Variants in SELENOS observed in about 807,000 individuals in gnomAD.
SELENOS encodes VCP interacting membrane selenoprotein.
A neutral mutation model predicts 30.2 loss-of-function variants in SELENOS; 37 were observed. That is an observed-to-expected ratio of 1.23 (90% CI 0.94 to 1.61). The LOEUF is 1.61. Among genes scored for constraint, SELENOS ranks in the 40% most tolerant of loss-of-function variants. The pLI is 0.00. For synonymous variants in SELENOS, 119 were observed against 91.6 expected, an observed-to-expected ratio of 1.30 and a Z score of -1.71; for missense variants, 289 against 231.8, an observed-to-expected ratio of 1.25 and a Z score of -1.60.
chr15:101,277,070 G>C (rs1416794178), intron 1 of SELENOS: 1 of 644,804 alleles, frequency 1.6e-6, no homozygotes, highest in Non-Finnish European at 2.8e-6. Flanking sequence ...GCCAACGGCC[G>C]AGTGACCCCA....
downstream of SELENOS, chr15:101,271,681 T>G (rs2039269360): frequency 6.6e-6 from 1 of 152,254 alleles, no homozygotes; most frequent in African/African-American, 2.4e-5. Flanking sequence ...AATTTATGTA[T>G]GAGACCATTC....
At chr15:101,277,232 T>C in intron 1 of SELENOS, 110 bp downstream of exon 1, 1 of 1,502,606 alleles carries the variant, frequency 6.7e-7, no homozygotes, top group Non-Finnish European at 8.9e-7. Flanking sequence ...GCCCGACCGT[T>C]CCCAGGCCTC....
In SELENOS at chr15:101,277,433, C is replaced by T; in HGVS notation, c.-16G>A. The T allele has an allele frequency of 1.4e-6, 2 of 1,461,878 alleles. No individual in the cohort carries two copies. Among genetic ancestry groups the T allele is most frequent in the Non-Finnish European group, 1.8e-6 (2 of 1,114,402 alleles). The allele number at this position is 1,461,878 out of a possible 1,614,324, so 90.6% of individuals were successfully genotyped here. On this transcript the variant is annotated 5_prime_UTR_variant, in exon 1 of 6. Transcript: ENST00000526049. ...GGCGTTCCATGACCGCCGCCGCCGC[C>T]GCCGCCCAGCCCTGCCGCCGCGCCT... is the stretch of plus-strand genomic sequence containing the variant.
In SELENOS at chr15:101,277,413, T is replaced by C. The variant is rs965073954; in HGVS notation, c.5A>G (p.Glu2Gly). 2 of 1,475,840 alleles carry C rather than the reference T, an allele frequency of 1.4e-6. No homozygotes were observed. The highest frequency in any genetic ancestry group is 1.5e-5 in the African/African-American group (1 of 67,912). The allele number at this position is 1,475,840 out of a possible 1,614,324, so 91.4% of individuals were successfully genotyped here. The stretch of plus-strand genomic sequence containing the variant: ...CGCGGACAGAGACTCCTCTTGGCGT[T>C]CCATGACCGCCGCCGCCGCCGCCGC... M[E>G]RQEESLSARP... Residue 2 changes from glutamate to glycine, a missense_variant, in exon 1 of 6, where the codon GAA becomes GGA. Transcript: ENST00000526049.
In SELENOS at chr15:101,277,473, C is replaced by A; in HGVS notation, c.-56G>T. The stretch of plus-strand genomic sequence containing the variant: ...CCGCCGCGCCTCCAGCCGGGCGCTT[C>A]CGGTGCGCTCCTACGCACACGTGGC... On this transcript the variant is annotated 5_prime_UTR_variant, in exon 1 of 6. Transcript: ENST00000526049. The A allele has an allele frequency of 7.2e-7, 1 of 1,390,714 alleles. No homozygotes were observed. Among genetic ancestry groups the A allele is most frequent in the South Asian group, 1.6e-5 (1 of 62,256 alleles). The allele number at this position is 1,390,714 out of a possible 1,614,324, so 86.1% of individuals were successfully genotyped here.
Position 101,272,628 on chromosome 15 carries a change from C to T in SELENOS, c.*143G>A. On this transcript the variant is annotated 3_prime_UTR_variant, in exon 6 of 6. Coordinates refer to ENST00000526049, the MANE Select transcript of SELENOS (RefSeq NM_018445.6). ...CATCTATACCTTTTGCTGACTGGAG[C>T]CCTGACATATGCAGGTGTAGTTAGG... is the stretch of plus-strand genomic sequence containing the variant. 3 of 777,396 alleles carry T rather than the reference C, an allele frequency of 3.9e-6. No individual in the cohort carries two copies. The highest frequency in any genetic ancestry group is 1.7e-5 in the African/African-American group (1 of 57,848). The allele number at this position is 777,396 out of a possible 1,614,324, so 48.2% of individuals were successfully genotyped here.
Position 101,274,509 on chromosome 15 carries a change from C to T in SELENOS, c.409-14G>A. 6.2e-7 allele frequency: 1 copy of T among 1,607,760 alleles called. No homozygotes were observed. Among genetic ancestry groups the T allele is most frequent in the Non-Finnish European group, 8.5e-7 (1 of 1,176,708 alleles). On this transcript the variant is annotated splice_polypyrimidine_tract_variant and intron_variant, in intron 4 of 5. Coordinates refer to ENST00000526049, the MANE Select transcript of SELENOS (RefSeq NM_018445.6). ...ACTGTCTTCCTCCTGTTTGAACACACACAGTAGTGTAAGAAGCAATTAAAA... is the reference window on the plus strand; with the variant it reads ...ACTGTCTTCCTCCTGTTTGAACACATACAGTAGTGTAAGAAGCAATTAAAA...
Position 101,277,349 on chromosome 15 carries a change from G to A in SELENOS, c.69C>T (p.His23=). 3.3e-6 allele frequency: 5 copies of A among 1,515,420 alleles called. No homozygotes were observed. The highest frequency in any genetic ancestry group is 8.8e-7 in the Non-Finnish European group (1 of 1,139,338). The allele number at this position is 1,515,420 out of a possible 1,614,324, so 93.9% of individuals were successfully genotyped here. The change falls in exon 1 of 6, where the codon CAC becomes CAT. Residue 23 remains histidine, a synonymous_variant. Coordinates refer to ENST00000526049, the MANE Select transcript of SELENOS (RefSeq NM_018445.6). Reference sequence around the variant, plus strand: ...TGCCCCGCAACGACTCACCCGTGGTGTGCAGGAAGCGCAGCCCCTCGGTCT... The same window carrying A: ...TGCCCCGCAACGACTCACCCGTGGTATGCAGGAAGCGCAGCCCCTCGGTCT... ...ALETEGLRFL[H]TTVGSLLATY...
In SELENOS at chr15:101,274,422, C is replaced by G; in HGVS notation, c.482G>C (p.Gly161Ala). The G allele has an allele frequency of 6.2e-7, 1 of 1,606,730 alleles. No individual in the cohort carries two copies. The highest frequency in any genetic ancestry group is 1.1e-5 in the South Asian group (1 of 89,338). ...CATTTGACATCAGTGGTGCTTACCTCCTCCCCGCAAAGGCTTTCTGTCCGA... is the reference window on the plus strand; with the variant it reads ...CATTTGACATCAGTGGTGCTTACCTGCTCCCCGCAAAGGCTTTCTGTCCGA... ...RKSDRKPLRG[G>A]GYNPLSGEGG... Residue 161 changes from glycine (G) to alanine (A), a missense_variant and splice_region_variant, in exon 5 of 6, where the codon GGA (glycine) becomes GCA (alanine). Transcript: ENST00000526049.
At chr15:101,274,352 T>A in intron 5 of SELENOS, 68 bp downstream of exon 5, 1 of 1,490,622 alleles carries the variant, frequency 6.7e-7, no homozygotes, top group South Asian at 1.2e-5. Flanking sequence ...AACAATCTTG[T>A]TCCTAAAAGG....
rs2039311560 is a variant in SELENOS at position 101,275,271 on chromosome 15, T to C, written c.302A>G (p.Lys101Arg). Reference sequence around the variant, plus strand: ...AGTTCATACTTGTTTCAGTTTTTCCTTATGCTTTTCAACTTGCGCATTTAG... The same window carrying C: ...AGTTCATACTTGTTTCAGTTTTTCCCTATGCTTTTCAACTTGCGCATTTAG... ...EELNAQVEKH[K>R]EKLKQLEEEK... The change falls in exon 3 of 6, where the codon AAG becomes AGG. Residue 101 changes from lysine to arginine, a missense_variant. Lys to Arg is a conservative substitution (Grantham distance 26, BLOSUM62 2). Transcript: ENST00000526049. 2 of 1,561,404 alleles carry C rather than the reference T, an allele frequency of 1.3e-6. No homozygotes were observed. Among genetic ancestry groups the C allele is most frequent in the Non-Finnish European group, 1.7e-6 (2 of 1,152,826 alleles).
chr15:101,271,356 G>A (rs1013821076), downstream of SELENOS: 8 of 152,206 alleles, frequency 5.3e-5, no homozygotes, highest in African/African-American at 1.9e-4. Flanking sequence ...ACACTGGAAG[G>A]GGAGTGAGGG....
intron 4 of SELENOS, 26 bp from the exon 5 acceptor site, chr15:101,274,521 A>G (rs1385310430): frequency 6.2e-7 from 1 of 1,607,110 alleles, no homozygotes; most frequent in East Asian, 2.2e-5. Flanking sequence ...CAGTAGTGTA[A>G]GAAGCAATTA....
chr15:101,277,428 G>A lies in SELENOS; in HGVS notation c.-11C>T, dbSNP rs933192045. The A allele has an allele frequency of 4.1e-6, 6 of 1,462,956 alleles. No homozygotes were observed. The African/African-American group carries it at 5.9e-5, about 14-fold the overall frequency. 90.6% of individuals were successfully genotyped at this position (1,462,956 alleles called of 1,614,324 possible). On this transcript the variant is annotated 5_prime_UTR_variant, in exon 1 of 6. Transcript: ENST00000526049. ...CTCTTGGCGTTCCATGACCGCCGCC[G>A]CCGCCGCCGCCCAGCCCTGCCGCCG...
chr15:101,272,732 T>A lies in SELENOS; in HGVS notation c.*39A>T. The A allele has an allele frequency of 1.9e-6, 3 of 1,565,088 alleles. No individual in the cohort carries two copies. Among genetic ancestry groups the A allele is most frequent in the Non-Finnish European group, 2.6e-6 (3 of 1,151,986 alleles). On this transcript the variant is annotated 3_prime_UTR_variant, in exon 6 of 6. Transcript: ENST00000526049. ...AGGCAATTGAATCGAGGGTTAAGGGTTCATCTTGCTAATGTCAAAAGTGAC... is the reference window on the plus strand; with the variant it reads ...AGGCAATTGAATCGAGGGTTAAGGGATCATCTTGCTAATGTCAAAAGTGAC...
rs371072982 is a variant in SELENOS, at chr15:101,272,826, C to G, written c.515G>C (p.Gly172Ala). 2 of 1,609,882 alleles carry G rather than the reference C, an allele frequency of 1.2e-6. No homozygotes were observed. Among genetic ancestry groups the G allele is most frequent in the African/African-American group, 2.7e-5 (2 of 74,848 alleles). ...GYNPLSGEGGGACSWRPGRRG... is the reference protein window; with the variant it reads ...GYNPLSGEGGAACSWRPGRRG... ...GCGTCCAGGTCTCCAGGAGCAAGCT[C>G]CGCCTCCTTCACCAGACAACGGGTT... The change falls in exon 6 of 6, where the codon GGA becomes GCA. Residue 172 changes from glycine (G) to alanine (A), a missense_variant. By Grantham distance (60) the Gly-to-Ala change is moderately conservative (BLOSUM62 0). Coordinates refer to ENST00000526049, the MANE Select transcript of SELENOS (RefSeq NM_018445.6).
chr15:101,276,654 T>C lies in SELENOS; in HGVS notation c.98A>G (p.Tyr33Cys), dbSNP rs776224919. 8.1e-6 allele frequency: 13 copies of C among 1,610,210 alleles called. No homozygotes were observed. The highest frequency in any genetic ancestry group is 3.4e-5 in the Admixed American group (2 of 58,720). ...GCAGCTGAAGACGATGTACCAGCCA[T>C]AGGTGGCCAGCAGGGAGCCCACTGA... ...HTTVGSLLATYGWYIVFSCIL... is the reference protein window; with the variant it reads ...HTTVGSLLATCGWYIVFSCIL... Residue 33 changes from tyrosine to cysteine, a missense_variant, in exon 2 of 6, where the codon TAT (tyrosine) becomes TGT (cysteine). Tyr to Cys is a radical substitution (Grantham distance 194). Coordinates refer to ENST00000526049, the MANE Select transcript of SELENOS (RefSeq NM_018445.6).
At position 101,277,392 on chromosome 15, in the gene SELENOS, G is replaced by C; in HGVS notation, c.26C>G (p.Ser9Cys). 1.3e-6 allele frequency: 2 copies of C among 1,503,442 alleles called. No homozygotes were observed. Among genetic ancestry groups the C allele is most frequent in the East Asian group, 2.8e-5 (1 of 36,226 alleles). 93.1% of individuals were successfully genotyped at this position (1,503,442 alleles called of 1,614,324 possible). ...CTCGGTCTCCAGGGCCGGCCGCGCGGACAGAGACTCCTCTTGGCGTTCCAT... is the reference window on the plus strand; with the variant it reads ...CTCGGTCTCCAGGGCCGGCCGCGCGCACAGAGACTCCTCTTGGCGTTCCAT... MERQEESL[S>C]ARPALETEGL... Residue 9 changes from serine (S) to cysteine (C), a missense_variant, in exon 1 of 6, where the codon TCC becomes TGC. Transcript: ENST00000526049.
intron 1 of SELENOS, 25 bp downstream of exon 1, chr15:101,277,317 G>A (rs1175690930): frequency 1.3e-6 from 2 of 1,504,144 alleles, no homozygotes; most frequent in South Asian, 1.3e-5. Context: ...GGCGGCGCGC[G>A]CCCGGCTGCC....
Sources: allele counts gnomAD v4.1 joint callset, GRCh38; gene constraint gnomAD v4.1.1; transcripts MANE v1.5; gene names NCBI Gene and HGNC (gene_info 2026-07-23, HGNC 2026-07-21).